The following KAZN variants were observed in gnomAD, a reference collection of about 807,000 sequenced individuals.
KAZN encodes kazrin, periplakin interacting protein.
Under a neutral mutation model 87.4 loss-of-function variants are expected in KAZN, and 40 were observed. The ratio of observed to expected loss-of-function variants is 0.46; its 90% CI spans 0.36 to 0.60. The LOEUF (loss-of-function observed/expected upper bound fraction) is 0.60, where lower values mean the gene tolerates loss of function less well. Among genes scored for constraint, KAZN ranks in the 20% least tolerant of loss-of-function variants. KAZN has a pLI of 0.00. For missense variants in KAZN, 898 were observed against 1,073.9 expected, an observed-to-expected ratio of 0.84 and a Z score of 2.29; for synonymous variants, 466 against 458.3, an observed-to-expected ratio of 1.02 and a Z score of -0.22.
intron 2 of KAZN, among the ~76,000 whole-genome samples, chr1:14,286,849 T>C (rs1653290596): frequency 2.0e-5 from 3 of 152,200 alleles, no homozygotes; most frequent in Non-Finnish European, 4.4e-5. Flanking sequence ...TCTTTAAATT[T>C]GTAGGCCTGT....
chr1:15,026,976 C>T (rs1671226933), intron 2 of KAZN, among the ~76,000 whole-genome samples: 2 of 149,360 alleles, frequency 1.3e-5, no homozygotes, highest in Admixed American at 6.7e-5. Context: ...ACCAATGCCA[C>T]ACAATACCAA....
At chr1:15,057,318 A>G (rs1413186997) in intron 5 of KAZN, among the ~76,000 whole-genome samples, 1 of 152,238 alleles carries the variant, frequency 6.6e-6, no homozygotes. Flanking sequence ...CACACAACGT[A>G]CGTTAAAGAC....
intron 8 of KAZN, among the ~76,000 whole-genome samples, chr1:15,084,887 A>G (rs1640175243): frequency 6.6e-6 from 1 of 152,256 alleles, no homozygotes; most frequent in Admixed American, 6.5e-5. Context: ...AGGCCTTTTC[A>G]GGTTTAGTAA....
intron 2 of KAZN, among the ~76,000 whole-genome samples, chr1:14,518,408 C>CTTAGG (rs1671408426): frequency 1.3e-5 from 2 of 151,976 alleles, no homozygotes; most frequent in Admixed American, 1.3e-4. Flanking sequence ...AACTCCTGAC[C>CTTAGG]TTAGGTTATC....
At chr1:14,082,289 A>C (rs1014412798) in intron 1 of KAZN, among the ~76,000 whole-genome samples, 1 of 152,160 alleles carries the variant, frequency 6.6e-6, no homozygotes, top group Non-Finnish European at 1.5e-5. Context: ...CCTTTCGGGG[A>C]TATCTTAAAT....
At chr1:15,027,821 A>G (rs1671326192) in intron 2 of KAZN, among the ~76,000 whole-genome samples, 2 of 147,876 alleles carry the variant, frequency 1.4e-5, no homozygotes, top group African/African-American at 5.0e-5. Context: ...TTGGGCCCAC[A>G]GTGGTTGTTT....
chr1:15,101,481 C>A (rs901120898), intron 10 of KAZN, 62 bp from the exon 11 acceptor site: 3 of 1,144,242 alleles, frequency 2.6e-6, no homozygotes, highest in Non-Finnish European at 3.8e-6. Context: ...CATTTCTGCC[C>A]GTCCGTCTGT....
At chr1:14,091,993 CTGTCATCATCATTATCCTTTACAA>C (rs926648912) in intron 1 of KAZN, among the ~76,000 whole-genome samples, 243 of 152,050 alleles carry the variant, frequency 1.6e-3, no homozygotes, top group African/African-American at 5.6e-3. Context: ...ATTGTTGCTA[CTGTCATCATCATTATCCTTTACAA>C]TAATGGCTCT....
intron 2 of KAZN, among the ~76,000 whole-genome samples, chr1:14,252,304 G>A (rs1442276542): frequency 1.3e-5 from 2 of 152,174 alleles, no homozygotes; most frequent in East Asian, 3.9e-4. Flanking sequence ...TAAACTTGGA[G>A]TTCACACTAC....
At chr1:14,627,618 C>T (rs1164444308) in intron 1 of KAZN, among the ~76,000 whole-genome samples, 2 of 152,212 alleles carry the variant, frequency 1.3e-5, no homozygotes, top group Admixed American at 6.5e-5. Context: ...ATTCCTAGGG[C>T]TTAGCACAGT....
At chr1:14,922,420 C>T (rs1658623435) in intron 1 of KAZN, among the ~76,000 whole-genome samples, 2 of 152,188 alleles carry the variant, frequency 1.3e-5, no homozygotes, top group African/African-American at 4.8e-5. Context: ...CCCAGCATCT[C>T]TGGTCACTTG....
intron 2 of KAZN, among the ~76,000 whole-genome samples, chr1:14,202,454 C>T (rs899153296): frequency 6.6e-6 from 1 of 152,172 alleles, no homozygotes; most frequent in Admixed American, 6.5e-5. Flanking sequence ...GAAGCTTCTC[C>T]TGTATTGGAG....
intron 1 of KAZN, among the ~76,000 whole-genome samples, chr1:14,901,620 T>C (rs995036626): frequency 6.6e-6 from 1 of 151,924 alleles, no homozygotes; most frequent in Non-Finnish European, 1.5e-5. Context: ...GTGGCAGCAG[T>C]TGAGGTGGTG....
intron 1 of KAZN, among the ~76,000 whole-genome samples, chr1:14,941,998 G>GA (rs1382848053): frequency 6.6e-6 from 1 of 152,196 alleles, no homozygotes; most frequent in Non-Finnish European, 1.5e-5. Context: ...TACAATTCCA[G>GA]AGAGACGTGG....
At chr1:14,300,448 C>G (rs1260562438) in intron 2 of KAZN, among the ~76,000 whole-genome samples, 1 of 152,026 alleles carries the variant, frequency 6.6e-6, no homozygotes, top group Non-Finnish European at 1.5e-5. Context: ...CCCAGCCAGG[C>G]TGGTCTCAAA....
chr1:14,640,201 C>T (rs1235237551), intron 1 of KAZN, among the ~76,000 whole-genome samples: 1 of 151,684 alleles, frequency 6.6e-6, no homozygotes, highest in Non-Finnish European at 1.5e-5. Context: ...TTAGATACTG[C>T]TTAATAAAAT....
intron 2 of KAZN, among the ~76,000 whole-genome samples, chr1:14,483,291 C>T (rs897661027): frequency 6.6e-6 from 1 of 152,162 alleles, no homozygotes; most frequent in Non-Finnish European, 1.5e-5. Flanking sequence ...GGCCCTCCTC[C>T]TCCATGCAAC....
At chr1:14,549,619 T>C (rs1673379152) in intron 2 of KAZN, among the ~76,000 whole-genome samples, 1 of 151,534 alleles carries the variant, frequency 6.6e-6, no homozygotes, top group Non-Finnish European at 1.5e-5. Context: ...ACCCCTTTTT[T>C]TTTTTTTTTA....
intron 1 of KAZN, among the ~76,000 whole-genome samples, chr1:14,639,894 C>T (rs1010943280): frequency 1.3e-5 from 2 of 152,132 alleles, no homozygotes; most frequent in African/African-American, 4.8e-5. Context: ...CGCCGACTCC[C>T]AGGATTTGTA....
Sources: gnomAD v4.1 joint callset for allele counts (sites outside exome capture counted in the v4.1 genomes callset) on GRCh38, gnomAD v4.1.1 for gene constraint, MANE v1.5 for transcripts, NCBI Gene and HGNC (gene_info 2026-07-23, HGNC 2026-07-21) for gene names.